Variants in CLPB observed in about 807,000 individuals in gnomAD.
The protein encoded by CLPB is ClpB family mitochondrial disaggregase.
A neutral mutation model predicts 78.4 loss-of-function variants in CLPB; 40 were observed. That is an observed-to-expected ratio of 0.51 (90% CI 0.40 to 0.66). CLPB has a LOEUF of 0.66. CLPB is among the 30% of genes least tolerant of loss of function. The pLI is 0.00. For missense variants in CLPB, 780 were observed against 886.9 expected, an observed-to-expected ratio of 0.88 and a Z score of 1.53; for synonymous variants, 333 against 348.0, an observed-to-expected ratio of 0.96 and a Z score of 0.48.
In CLPB at chr11:72,295,751, T is replaced by C; in HGVS notation, c.1330-103A>G. On this transcript the variant is annotated intron_variant, in intron 11 of 15. Transcript: ENST00000538039. ...CCTTCAGGAGGCCTCCCCAGAGCCC[T>C]GTGTCTCCCTCCAGCCCCAGCAGCC... The C allele has an allele frequency of 2.6e-6, 3 of 1,138,132 alleles. No individual in the cohort carries two copies. In the South Asian group the frequency reaches 4.5e-5, roughly 17 times the overall value. The allele number at this position is 1,138,132 out of a possible 1,614,324, so 70.5% of individuals were successfully genotyped here. A position where few individuals can be genotyped will look rare whatever the true frequency, so the allele number is the denominator to read the frequency against.
chr11:72,321,157 CTA>C (rs1455646351), intron 6 of CLPB, among the ~76,000 whole-genome samples: 1 of 152,034 alleles, frequency 6.6e-6, no homozygotes, highest in Admixed American at 6.5e-5. Context: ...TCTATAAATA[CTA>C]TTGTTCCTGT....
intron 2 of CLPB, among the ~76,000 whole-genome samples, chr11:72,418,013 G>A (rs1856075569): frequency 6.6e-6 from 1 of 152,206 alleles, no homozygotes; most frequent in Non-Finnish European, 1.5e-5. Context: ...AAACAAAAGG[G>A]CATTGAGATG....
intron 11 of CLPB, among the ~76,000 whole-genome samples, chr11:72,296,036 C>A (rs1029865562): frequency 2.6e-5 from 4 of 152,170 alleles, no homozygotes; most frequent in Admixed American, 6.5e-5. Flanking sequence ...TCCCACTGAG[C>A]CTACAACATG....
intron 11 of CLPB, among the ~76,000 whole-genome samples, 160 bp from the exon 12 acceptor site, chr11:72,295,808 T>A (rs1434979507): frequency 6.6e-6 from 1 of 152,208 alleles, no homozygotes; most frequent in African/African-American, 2.4e-5. Flanking sequence ...CTCCGAGCAC[T>A]AGACTTGCAC....
chr11:72,392,909 T>C (rs903640093), intron 3 of CLPB, among the ~76,000 whole-genome samples: 1 of 152,226 alleles, frequency 6.6e-6, no homozygotes, highest in African/African-American at 2.4e-5. Context: ...CCATAGTTAC[T>C]AAGCTCTTAC....
chr11:72,301,952 T>A lies in CLPB; in HGVS notation c.1180A>T (p.Ile394Phe). 2 of 1,613,760 alleles carry A rather than the reference T, an allele frequency of 1.2e-6. No homozygotes were observed. Among genetic ancestry groups the A allele is most frequent in the Non-Finnish European group, 1.7e-6 (2 of 1,179,870 alleles). The change falls in exon 11 of 16, where the codon ATT becomes TTT. Residue 394 changes from isoleucine to phenylalanine, a missense_variant. Transcript: ENST00000538039. The part of the protein sequence containing the change: ...FQERHEVAKF[I>F]GSPPGYVGHE... ...CCAACGTAGCCTGGTGGAGACCCAATAAACTTGGCCACCTGGTAGAAGGAA... is the reference window on the plus strand; with the variant it reads ...CCAACGTAGCCTGGTGGAGACCCAAAAAACTTGGCCACCTGGTAGAAGGAA...
chr11:72,356,316 G>A (rs1425965620), intron 5 of CLPB, among the ~76,000 whole-genome samples: 2 of 151,584 alleles, frequency 1.3e-5, no homozygotes, highest in Non-Finnish European at 2.9e-5. Flanking sequence ...AGATGGGCAG[G>A]AAGGTAGGCT....
At chr11:72,363,414 G>C (rs1471863077) in intron 4 of CLPB, 2 of 152,104 alleles carry the variant, frequency 1.3e-5, no homozygotes, top group Non-Finnish European at 2.9e-5. Context: ...AGTCCCTCTC[G>C]GCCTCTACTG....
At chr11:72,363,499 T>A (rs994076049) in intron 4 of CLPB, 8 of 152,238 alleles carry the variant, frequency 5.3e-5, no homozygotes, top group African/African-American at 1.9e-4. Flanking sequence ...GATGTGAACA[T>A]GTTTCCATGA....
At chr11:72,336,815 G>A (rs1432037838) in intron 5 of CLPB, 5 of 343,266 alleles carry the variant, frequency 1.5e-5, no homozygotes, top group African/African-American at 8.4e-5. Flanking sequence ...AACATTGAGA[G>A]AGAGAGTGGC....
intron 5 of CLPB, among the ~76,000 whole-genome samples, chr11:72,331,064 T>TG (rs1357813302): frequency 6.6e-6 from 1 of 152,058 alleles, no homozygotes; most frequent in Non-Finnish European, 1.5e-5. Flanking sequence ...AAAATTTTTT[T>TG]ATTAAAATTT....
intron 2 of CLPB, among the ~76,000 whole-genome samples, chr11:72,405,986 G>A (rs1855699088): frequency 6.6e-6 from 1 of 151,932 alleles, no homozygotes; most frequent in African/African-American, 2.4e-5. Flanking sequence ...TCAATCCACT[G>A]AAGTTAGCAA....
chr11:72,394,740 G>A (rs756343627), intron 3 of CLPB, among the ~76,000 whole-genome samples: 5 of 152,216 alleles, frequency 3.3e-5, no homozygotes, highest in Non-Finnish European at 5.9e-5. Context: ...ATCGGCCATA[G>A]CAGTAGGGGT....
chr11:72,375,179 G>A (rs920403625), intron 4 of CLPB, among the ~76,000 whole-genome samples: 2 of 152,130 alleles, frequency 1.3e-5, no homozygotes, highest in African/African-American at 4.8e-5. Context: ...TCCCAAAGGA[G>A]TCCATTATCC....
intron 5 of CLPB, among the ~76,000 whole-genome samples, chr11:72,341,526 A>G (rs576290394): frequency 6.6e-6 from 1 of 152,374 alleles, no homozygotes; most frequent in Non-Finnish European, 1.5e-5. Context: ...AAAGATATAA[A>G]TGAGTTGGAT....
intron 10 of CLPB, 65 bp downstream of exon 10, chr11:72,302,239 G>GA: frequency 6.6e-7 from 1 of 1,519,404 alleles, no homozygotes; most frequent in Admixed American, 1.7e-5. Flanking sequence ...CAAATGACAA[G>GA]ACCCCGGCAG....
chr11:72,396,165 C>T (rs1855400628), intron 3 of CLPB, among the ~76,000 whole-genome samples: 1 of 152,088 alleles, frequency 6.6e-6, no homozygotes, highest in Admixed American at 6.5e-5. Flanking sequence ...CCAGGAAGGC[C>T]TTGGCAAATG....
At chr11:72,419,685 A>G (rs1856131063) in intron 2 of CLPB, among the ~76,000 whole-genome samples, 2 of 152,170 alleles carry the variant, frequency 1.3e-5, no homozygotes, top group African/African-American at 4.8e-5. Flanking sequence ...CTTGTGCTAG[A>G]GAGCTCTTCC....
chr11:72,382,993 C>T (rs1282688366), intron 3 of CLPB, among the ~76,000 whole-genome samples: 3 of 151,630 alleles, frequency 2.0e-5, no homozygotes, highest in Non-Finnish European at 4.4e-5. Flanking sequence ...ATATCCCAAA[C>T]AAATTTAAGA....
Sources: gnomAD v4.1 joint callset for allele counts (sites outside exome capture counted in the v4.1 genomes callset) on GRCh38, gnomAD v4.1.1 for gene constraint, MANE v1.5 for transcripts, NCBI Gene and HGNC (gene_info 2026-07-23, HGNC 2026-07-21) for gene names.